Variants in NAV2 observed in about 807,000 individuals in gnomAD.
The protein encoded by NAV2 is neuron navigator 2.
Under a neutral mutation model 223.2 loss-of-function variants are expected in NAV2, and 54 were observed. The ratio of observed to expected loss-of-function variants is 0.24; its 90% CI spans 0.19 to 0.30. The LOEUF is 0.30. Among genes scored for constraint, NAV2 ranks in the 10% least tolerant of loss-of-function variants. The pLI, the probability that NAV2 is intolerant of heterozygous loss-of-function variation, is 1.00. For synonymous variants in NAV2, 1,279 were observed against 1,239.3 expected (o/e 1.03, Z -0.67); for missense variants, 2,806 against 3,147.5 (o/e 0.89, Z 2.60).
At chr11:19,516,670 T>G (rs2043461080) in intron 1 of NAV2, among the ~76,000 whole-genome samples, 1 of 152,224 alleles carries the variant, frequency 6.6e-6, no homozygotes. Context: ...TTGGTCCCTC[T>G]GACTGTTCAA....
At chr11:19,350,044 C>A (rs1411115033), upstream of NAV2, among the ~76,000 whole-genome samples, 1 of 151,824 alleles carries the variant, frequency 6.6e-6, no homozygotes, top group African/African-American at 2.4e-5. Context: ...CTTCACAGAC[C>A]ATTGCTTCCC....
intron 6 of NAV2, among the ~76,000 whole-genome samples, chr11:19,919,205 A>G (rs754638378): frequency 3.3e-5 from 5 of 151,834 alleles, no homozygotes; most frequent in Non-Finnish European, 7.4e-5. Context: ...ATTCTCTGAA[A>G]CAAAATTTAA....
At chr11:19,622,650 A>G (rs1406888324) in intron 1 of NAV2, among the ~76,000 whole-genome samples, 6 of 152,016 alleles carry the variant, frequency 3.9e-5, no homozygotes, top group Non-Finnish European at 5.9e-5. Context: ...TTTTGAGCCT[A>G]TGTGTGTCTC....
At chr11:19,979,082 T>C (rs1339715679) in intron 10 of NAV2, 1 of 152,222 alleles carries the variant, frequency 6.6e-6, no homozygotes, top group Admixed American at 6.5e-5. Context: ...GCATGTTGCC[T>C]TCACAGGTCT....
chr11:19,402,770 C>T (rs1357894016), intron 1 of NAV2, among the ~76,000 whole-genome samples: 3 of 152,218 alleles, frequency 2.0e-5, no homozygotes, highest in Admixed American at 6.5e-5. Context: ...GCATTGCTCA[C>T]TGTAGTTACC....
Position 19,933,272 on chromosome 11 carries a change from G to A in NAV2, c.1028G>A (p.Ser343Asn), listed in dbSNP as rs1313021397. 3 of 1,612,668 alleles carry A rather than the reference G, an allele frequency of 1.9e-6. No individual in the cohort carries two copies. The highest frequency in any genetic ancestry group is 2.5e-6 in the Non-Finnish European group (3 of 1,179,430). Residue 343 changes from serine (S) to asparagine (N), a missense_variant, in exon 7 of 38, where the codon AGT becomes AAT. By Grantham distance (46) the Ser-to-Asn change is conservative. Transcript: ENST00000349880. The surrounding 1 kb of genome is among the most constrained non-coding windows in gnomAD (Gnocchi z 4.3). ...AGCAGCTCCACCCCTACTAATTGCA[G>A]TACCTCCTCGGCCATCCCGCAGCCC... The part of the protein sequence containing the change: ...SGSSSTPTNC[S>N]TSSAIPQPGA...
At chr11:19,508,703 GA>G (rs1441460699) in intron 1 of NAV2, among the ~76,000 whole-genome samples, 2 of 152,144 alleles carry the variant, frequency 1.3e-5, no homozygotes, top group Non-Finnish European at 2.9e-5. Flanking sequence ...TTAATTAAAT[GA>G]TTATGAGTAT....
intron 1 of NAV2, among the ~76,000 whole-genome samples, chr11:19,373,005 T>C (rs937241411): frequency 3.9e-5 from 6 of 152,242 alleles, no homozygotes; most frequent in Admixed American, 2.0e-4. Flanking sequence ...ACGAACATTT[T>C]TGGGAGTCGA....
intron 1 of NAV2, among the ~76,000 whole-genome samples, chr11:19,515,824 G>GA (rs2043428617): frequency 6.6e-6 from 1 of 152,330 alleles, no homozygotes; most frequent in East Asian, 1.9e-4. Flanking sequence ...TGGTTGCTTT[G>GA]AAGGTAGAGC....
chr11:19,737,803 G>A (rs377730725), intron 1 of NAV2, among the ~76,000 whole-genome samples: 31 of 152,330 alleles, frequency 2.0e-4, no homozygotes, highest in African/African-American at 7.5e-4. Flanking sequence ...TGATTTCTGA[G>A]ACCTGAGCAG....
chr11:19,376,013 T>C (rs1278011005), intron 1 of NAV2, among the ~76,000 whole-genome samples: 2 of 152,202 alleles, frequency 1.3e-5, no homozygotes, highest in Non-Finnish European at 2.9e-5. Flanking sequence ...GCTCACAATA[T>C]AGCCATGAAC....
At position 19,531,758 on chromosome 11, in the gene NAV2, G is replaced by C. The variant is rs376552819; in HGVS notation, c.75+180731G>C. 6.6e-5 allele frequency among the ~76,000 whole-genome samples: 10 copies of C among 152,250 alleles called. No homozygotes were observed. In the East Asian group the frequency reaches 1.9e-3, roughly 29 times the overall value. On this transcript the variant is annotated intron_variant, in intron 1 of 37. Transcript: ENST00000360655. ...TGGAATTCAAGGGTGTGTTCTAGGG[G>C]TAAATATGTCCAATATTTAATCAAA...
At chr11:19,884,685 T>C (rs1352618329) in intron 5 of NAV2, among the ~76,000 whole-genome samples, 3 of 152,294 alleles carry the variant, frequency 2.0e-5, no homozygotes, top group East Asian at 3.9e-4. Context: ...AGTTTCTACA[T>C]AGTTTTTATA....
At chr11:19,679,042 A>G (rs933635925) in intron 1 of NAV2, among the ~76,000 whole-genome samples, 4 of 152,240 alleles carry the variant, frequency 2.6e-5, no homozygotes, top group Non-Finnish European at 5.9e-5. Flanking sequence ...AAGCGGTCAG[A>G]TTAACATGTT....
At chr11:19,639,411 A>G (rs1476418667) in intron 1 of NAV2, among the ~76,000 whole-genome samples, 2 of 152,226 alleles carry the variant, frequency 1.3e-5, no homozygotes, top group Non-Finnish European at 2.9e-5. Context: ...CACCATCACC[A>G]TAACTATTTT....
At chr11:20,117,660 A>AG (rs1193436022) in intron 37 of NAV2, among the ~76,000 whole-genome samples, 2 of 152,146 alleles carry the variant, frequency 1.3e-5, no homozygotes, top group South Asian at 2.1e-4. Context: ...TTGAAGTGGG[A>AG]GGGGGTCCAT....
rs1590723252 is a variant in NAV2, at chr11:19,628,104, G to A, written c.76-204380G>A. ...AGAATCTCCTGTTGCTGACACTCTTGGAGCCAGTATGTCTCCCTCCCACTC... is the reference window on the plus strand; with the variant it reads ...AGAATCTCCTGTTGCTGACACTCTTAGAGCCAGTATGTCTCCCTCCCACTC... On this transcript the variant is annotated intron_variant, in intron 1 of 37. Coordinates refer to the NAV2 transcript ENST00000360655. 3.3e-5 allele frequency among the ~76,000 whole-genome samples: 5 copies of A among 152,252 alleles called. No homozygotes were observed. The South Asian group carries it at 1.0e-3, about 32-fold the overall frequency.
At chr11:19,810,648 A>G (rs748572762) in intron 1 of NAV2, among the ~76,000 whole-genome samples, 3 of 152,192 alleles carry the variant, frequency 2.0e-5, no homozygotes, top group Non-Finnish European at 4.4e-5. Flanking sequence ...CCATTACCAC[A>G]TGGCTCATCC....
chr11:19,546,162 T>C (rs191354675), intron 1 of NAV2, among the ~76,000 whole-genome samples: 1 of 152,272 alleles, frequency 6.6e-6, no homozygotes, highest in East Asian at 1.9e-4. Context: ...GAGACAAGTA[T>C]GTAGATATTT....
Sources: allele counts gnomAD v4.1 joint callset (sites outside exome capture counted in the v4.1 genomes callset), GRCh38; gene constraint gnomAD v4.1.1; non-coding constraint Gnocchi (gnomAD v3.1); transcripts MANE v1.5; gene names NCBI Gene and HGNC (gene_info 2026-07-23, HGNC 2026-07-21).